The following HECW1 variants were observed in gnomAD, a reference collection of about 807,000 sequenced individuals.
The protein encoded by HECW1 is E3 ubiquitin-protein ligase HECW1.
In HECW1, 61 loss-of-function variants were observed where a neutral mutation model predicts 182.3. The ratio of observed to expected loss-of-function variants is 0.33; its 90% CI spans 0.27 to 0.41. The LOEUF is 0.41. Among genes scored for constraint, HECW1 ranks in the 10% least tolerant of loss-of-function variants. The pLI, the probability that HECW1 is intolerant of heterozygous loss-of-function variation, is 1.00. For synonymous variants in HECW1, 859 were observed against 832.6 expected (o/e 1.03, Z -0.55); for missense variants, 1,739 against 2,108.9 (o/e 0.82, Z 3.44).
In HECW1 at chr7:43,123,486, G is replaced by C. The variant is rs571372968; in HGVS notation, c.-32+9095G>C. On this transcript the variant is annotated intron_variant, in intron 2 of 29. Coordinates refer to ENST00000395891, the MANE Select transcript of HECW1 (RefSeq NM_015052.5). Reference sequence around the variant, plus strand: ...TGACATAAGTTGCCTTTTTCCAGGGGATCCAGAGAGTCTTCTGGAGCAGGG... The same window carrying C: ...TGACATAAGTTGCCTTTTTCCAGGGCATCCAGAGAGTCTTCTGGAGCAGGG... Among the ~76,000 whole-genome samples the C allele has an allele frequency of 4.6e-5, 7 of 152,292 alleles. No homozygotes were observed. The South Asian group carries it at 1.2e-3, about 27-fold the overall frequency.
chr7:43,255,217 TGAAATAAAAATA>T (rs1393434804), intron 3 of HECW1, among the ~76,000 whole-genome samples: 5 of 152,184 alleles, frequency 3.3e-5, no homozygotes, highest in Non-Finnish European at 2.9e-5. Flanking sequence ...CAAAAGAGTT[TGAAATAAAAATA>T]GCTGGAGAGA....
chr7:43,500,835 C>A, intron 20 of HECW1, 53 bp downstream of exon 20: 1 of 1,431,140 alleles, frequency 7.0e-7, no homozygotes, highest in African/African-American at 1.4e-5. Flanking sequence ...GGCAGCTCTC[C>A]TCCATCACGG....
At position 43,473,385 on chromosome 7, in the gene HECW1, A is replaced by G. The variant is rs181091728; in HGVS notation, c.3099+4280A>G. On this transcript the variant is annotated intron_variant, in intron 16 of 29. Coordinates refer to ENST00000395891, the MANE Select transcript of HECW1 (RefSeq NM_015052.5). Reference sequence around the variant, plus strand: ...AGACACTGATGAAACACCAAAAGCCATTCTCCAGATGGATCACTAATGAAT... The same window carrying G: ...AGACACTGATGAAACACCAAAAGCCGTTCTCCAGATGGATCACTAATGAAT... 2.6e-3 allele frequency among the ~76,000 whole-genome samples: 392 copies of G among 152,364 alleles called. 1 individual carries two copies. Among genetic ancestry groups the G allele is most frequent in the African/African-American group, 9.2e-3 (382 of 41,590 alleles).
intron 16 of HECW1, among the ~76,000 whole-genome samples, chr7:43,469,959 T>C (rs1438251935): frequency 6.6e-6 from 1 of 152,174 alleles, no homozygotes; most frequent in African/African-American, 2.4e-5. Context: ...GCCATGAGTC[T>C]CTCTCCTATA....
Position 43,563,589 on chromosome 7 carries a change from C to A in HECW1, c.*1663C>A. The A allele has an allele frequency of 5.3e-6, 1 of 187,700 alleles. No individual in the cohort carries two copies. Among genetic ancestry groups the A allele is most frequent in the Non-Finnish European group, 1.1e-5 (1 of 89,146 alleles). The allele number at this position is 187,700 out of a possible 1,614,324, so 11.6% of individuals were successfully genotyped here. A position where few individuals can be genotyped will look rare whatever the true frequency, so the allele number is the denominator to read the frequency against. On this transcript the variant is annotated 3_prime_UTR_variant, in exon 30 of 30. Transcript: ENST00000395891. ...GTTCCTACACTCTAAAGCATTCCGG[C>A]CAGGAGCGGTGGCTCATGCCTGTAA...
rs764434770 is a variant in HECW1 at position 43,444,922 on chromosome 7, G to A, written c.1750G>A (p.Gly584Ser). The change falls in exon 11 of 30, where the codon GGC becomes AGC. Residue 584 changes from glycine to serine, a missense_variant. This residue lies in a region of HECW1 where 971 missense variants were observed against 1,029.1 expected (regional missense o/e 0.94). Transcript: ENST00000395891. The surrounding 1 kb of genome is among the most constrained non-coding windows in gnomAD (Gnocchi z 4.3). The stretch of plus-strand genomic sequence containing the variant: ...CGGCAGCGCGGCAGAGGAGGAGGAC[G>A]GCGCGGAGGAGGAGTCCACCCTCAA... The part of the protein sequence containing the change: ...QGGSAAEEED[G>S]AEEESTLKDS... 3.8e-6 allele frequency: 6 copies of A among 1,594,508 alleles called. No individual in the cohort carries two copies. Among genetic ancestry groups the A allele is most frequent in the Non-Finnish European group, 5.1e-6 (6 of 1,169,548 alleles).
rs190901728 is a variant in HECW1, at chr7:43,243,342, G to T, written c.-31-533G>T. Reference sequence around the variant, plus strand: ...AGTTTATTGTGGTGACAGTCACTCCGCAGGACAACAAGTGGAAGGGGATGG... The same window carrying T: ...AGTTTATTGTGGTGACAGTCACTCCTCAGGACAACAAGTGGAAGGGGATGG... On this transcript the variant is annotated intron_variant, in intron 2 of 29. Transcript: ENST00000395891. This position sits in a 1 kb window ranked among gnomAD's most constrained non-coding sequence, Gnocchi z 4.0. 3.3e-5 allele frequency among the ~76,000 whole-genome samples: 5 copies of T among 152,050 alleles called. No homozygotes were observed. The South Asian group carries it at 1.0e-3, about 32-fold the overall frequency.
intron 2 of HECW1, among the ~76,000 whole-genome samples, chr7:43,234,610 C>T (rs148052193): frequency 6.6e-6 from 1 of 152,280 alleles, no homozygotes; most frequent in African/African-American, 2.4e-5. Context: ...TGAAGCTTTT[C>T]CTGGAGACCC....
chr7:43,443,225 A>G, intron 10 of HECW1, among the ~76,000 whole-genome samples: 1 of 152,162 alleles, frequency 6.6e-6, no homozygotes, highest in East Asian at 1.9e-4. Context: ...ACATCTCAAT[A>G]TAGATCATAC....
intron 3 of HECW1, among the ~76,000 whole-genome samples, chr7:43,287,085 C>G (rs10951720): frequency 0.35 from 53,167 of 151,816 alleles, 13,462 homozygotes; most frequent in African/African-American, 0.72. Context: ...TAACAAAGTC[C>G]TCATGGAATG....
chr7:43,407,033 C>T (rs1476375556), intron 7 of HECW1, among the ~76,000 whole-genome samples: 1 of 152,196 alleles, frequency 6.6e-6, no homozygotes, highest in Admixed American at 6.5e-5. Flanking sequence ...CTGTCTCTCT[C>T]TCCTTGTGCA....
At chr7:43,193,227 TGGTTTTGGCA>T (rs1794104378) in intron 2 of HECW1, among the ~76,000 whole-genome samples, 1 of 152,216 alleles carries the variant, frequency 6.6e-6, no homozygotes, top group Non-Finnish European at 1.5e-5. Context: ...GTAGCCATCT[TGGTTTTGGCA>T]GGTTTTGGCC....
At chr7:43,326,000 T>C (rs1810731479) in intron 5 of HECW1, among the ~76,000 whole-genome samples, 1 of 152,166 alleles carries the variant, frequency 6.6e-6, no homozygotes, top group African/African-American at 2.4e-5. Flanking sequence ...AATTCATAAA[T>C]AATAGAAATT....
intron 13 of HECW1, 83 bp from the exon 14 acceptor site, chr7:43,463,577 T>C: frequency 1.5e-6 from 2 of 1,290,524 alleles, no homozygotes; most frequent in Non-Finnish European, 2.2e-6. Context: ...CTTTACAGAT[T>C]TCTCCAATTA....
At chr7:43,440,280 T>A (rs563396163) in intron 9 of HECW1, 2 of 152,880 alleles carry the variant, frequency 1.3e-5, no homozygotes, top group South Asian at 2.1e-4. Flanking sequence ...CCACCTGTAC[T>A]GGCTGCCTCC....
rs557713765 is a variant in HECW1 at position 43,403,874 on chromosome 7, T to C, written c.632-3688T>C. On this transcript the variant is annotated intron_variant, in intron 7 of 29. Transcript: ENST00000395891. Reference sequence around the variant, plus strand: ...GTTATTTGAAATAACTTTAAAATTCTATTTTTTCATTCTATATTTTTAAGT... The same window carrying C: ...GTTATTTGAAATAACTTTAAAATTCCATTTTTTCATTCTATATTTTTAAGT... Among the ~76,000 whole-genome samples the C allele has an allele frequency of 3.9e-5, 6 of 152,332 alleles. No individual in the cohort carries two copies. In the East Asian group the frequency reaches 1.2e-3, roughly 29 times the overall value.
At chr7:43,451,048 C>G in intron 12 of HECW1, 119 bp downstream of exon 12, 1 of 704,580 alleles carries the variant, frequency 1.4e-6, no homozygotes, top group Non-Finnish European at 2.4e-6. Flanking sequence ...ACAGTGTTAA[C>G]AAAGACCAAT....
chr7:43,483,033 G>T (rs1563037811), intron 17 of HECW1, among the ~76,000 whole-genome samples: 1 of 152,204 alleles, frequency 6.6e-6, no homozygotes, highest in Non-Finnish European at 1.5e-5. Context: ...GCAGAGGTCG[G>T]ATTGAGAAAG....
At chr7:43,281,358 C>T (rs1406054631) in intron 3 of HECW1, among the ~76,000 whole-genome samples, 6 of 152,232 alleles carry the variant, frequency 3.9e-5, no homozygotes, top group Non-Finnish European at 8.8e-5. Flanking sequence ...CAATAGCTGA[C>T]ATTGGGTGGA....
Sources: allele counts gnomAD v4.1 joint callset (sites outside exome capture counted in the v4.1 genomes callset), GRCh38; gene constraint gnomAD v4.1.1; regional missense constraint gnomAD v4.1.1; non-coding constraint Gnocchi (gnomAD v3.1); transcripts MANE v1.5; gene names NCBI Gene and HGNC (gene_info 2026-07-23, HGNC 2026-07-21).